TPTE2: variants seen among roughly 807,000 people sequenced by gnomAD.
TPTE2 encodes the protein phosphatidylinositol 3,4,5-trisphosphate 3-phosphatase TPTE2.
A neutral mutation model predicts 78.6 loss-of-function variants in TPTE2; 53 were observed. The ratio of observed to expected loss-of-function variants is 0.67; its 90% CI spans 0.54 to 0.85. The LOEUF (loss-of-function observed/expected upper bound fraction) is 0.85. Ranked by LOEUF, TPTE2 falls within the 40% of genes least tolerant of loss-of-function variation. The pLI is 0.00. For missense variants in TPTE2, 461 were observed against 623.0 expected (o/e 0.74, Z 2.77); for synonymous variants, 175 against 206.2 (o/e 0.85, Z 1.30).
intron 1 of TPTE2, among the ~76,000 whole-genome samples, chr13:19,498,508 A>G (rs1437742981): frequency 1.3e-5 from 2 of 152,106 alleles, no homozygotes; most frequent in Non-Finnish European, 2.9e-5. Flanking sequence ...ATTCTTAAAG[A>G]AAAGAATTTT....
chr13:19,529,721 T>G (rs1031368471), intron 1 of TPTE2, among the ~76,000 whole-genome samples: 3 of 152,192 alleles, frequency 2.0e-5, no homozygotes, highest in Non-Finnish European at 4.4e-5. Flanking sequence ...TCACCAATCC[T>G]TGGATTACTA....
At chr13:19,472,955 A>G (rs980914453) in intron 6 of TPTE2, among the ~76,000 whole-genome samples, 1 of 152,238 alleles carries the variant, frequency 6.6e-6, no homozygotes, top group African/African-American at 2.4e-5. Flanking sequence ...TTGCAGACTT[A>G]TAGTGGTACT....
chr13:19,430,546 A>T (rs1207375835), exon 17 of TPTE2: 1 of 1,606,476 alleles, frequency 6.2e-7, no homozygotes, highest in Non-Finnish European at 8.5e-7. Context: ...CACATACATC[A>T]CCTGTTCCAA....
intron 11 of TPTE2, 43 bp from the exon 15 acceptor site, chr13:19,450,387 C>T (rs1593362529): frequency 2.6e-6 from 4 of 1,524,718 alleles, no homozygotes; most frequent in Non-Finnish European, 3.6e-6. Flanking sequence ...TAGGGAATAA[C>T]ATGATAAATG....
chr13:19,453,538 C>CATATATATATA (rs1878334093), intron 10 of TPTE2, among the ~76,000 whole-genome samples: 1 of 140,174 alleles, frequency 7.1e-6, no homozygotes, highest in South Asian at 2.2e-4. Flanking sequence ...ATTTTATAAT[C>CATATATATATA]ATATATATAT....
chr13:19,457,400 G>T (rs2497240), intron 10 of TPTE2, among the ~76,000 whole-genome samples: 142,300 of 152,246 alleles, frequency 0.93, 66,778 homozygotes, highest in East Asian at 1. Context: ...GGTACATGTG[G>T]AGGATGTGCA....
the TPTE2 span, chr13:19,560,855 C>T: frequency 1.3e-6 from 2 of 1,560,576 alleles, no homozygotes; most frequent in African/African-American, 1.4e-5. Context: ...CTTGGTGAAG[C>T]GGCAGGCCTG....
At chr13:19,559,246 G>A in the TPTE2 span, among the ~76,000 whole-genome samples, 3 of 152,088 alleles carry the variant, frequency 2.0e-5, no homozygotes, top group South Asian at 2.1e-4. Context: ...TTTTGAGCTC[G>A]ATAGTATATA....
At chr13:19,516,217 G>C (rs9508295) in intron 1 of TPTE2, among the ~76,000 whole-genome samples, 93,964 of 152,084 alleles carry the variant, frequency 0.62, 33,321 homozygotes, top group East Asian at 0.89. Context: ...TGAAAAGTAC[G>C]TCTCCGACCA....
At chr13:19,423,048 A>C in exon 20 of TPTE2, 1 of 1,611,910 alleles carries the variant, frequency 6.2e-7, no homozygotes, top group Non-Finnish European at 8.5e-7. Flanking sequence ...ATCCAGCTAC[A>C]ACATCATTGG....
upstream of TPTE2, among the ~76,000 whole-genome samples, chr13:19,540,750 T>G (rs1260203237): frequency 6.6e-6 from 1 of 152,206 alleles, no homozygotes; most frequent in African/African-American, 2.4e-5. Context: ...TAAATTATAT[T>G]TTTACATGTT....
intron 1 of TPTE2, among the ~76,000 whole-genome samples, chr13:19,516,912 T>G (rs546377677): frequency 6.6e-6 from 1 of 152,378 alleles, no homozygotes; most frequent in East Asian, 1.9e-4. Context: ...CTATTTTTAT[T>G]TGCTGGGTCA....
chr13:19,521,545 T>A (rs962980461), intron 1 of TPTE2, among the ~76,000 whole-genome samples: 1 of 152,030 alleles, frequency 6.6e-6, no homozygotes, highest in Non-Finnish European at 1.5e-5. Flanking sequence ...TCCTTTTAAA[T>A]GGAGAGAAAT....
Position 19,514,592 on chromosome 13 carries a change from A to AGTGTGTGTGTGTGTGTGTGTGTGTGT in TPTE2, c.-43-11341_-43-11316dup, listed in dbSNP as rs151110694. 5.8e-3 allele frequency among the ~76,000 whole-genome samples: 736 copies of AGTGTGTGTGTGTGTGTGTGTGTGTGT among 126,788 alleles called. 24 individuals carry two copies. Among genetic ancestry groups the AGTGTGTGTGTGTGTGTGTGTGTGTGT allele is most frequent in the East Asian group, 0.023 (86 of 3,750 alleles). The allele number at this position is 126,788 out of a possible 152,430, so 83.2% of individuals were successfully genotyped here. On this transcript the variant is annotated intron_variant, in intron 1 of 17. Transcript: ENST00000390680. ...AGGATACAGCACCAGTACTTCTGAG[A>AGTGTGTGTGTGTGTGTGTGTGTGTGT]GTGTGTGTGTGTGTGTGTGTGTGTG... is the stretch of plus-strand genomic sequence containing the variant.
At chr13:19,441,287 G>A (rs1050939546) in intron 13 of TPTE2, among the ~76,000 whole-genome samples, 3 of 151,822 alleles carry the variant, frequency 2.0e-5, no homozygotes, top group Non-Finnish European at 2.9e-5. Flanking sequence ...GCAGAAAAGG[G>A]CACAGGTTGA....
At chr13:19,445,858 T>C (rs961753598) in intron 13 of TPTE2, among the ~76,000 whole-genome samples, 39 of 152,186 alleles carry the variant, frequency 2.6e-4, no homozygotes, top group African/African-American at 9.4e-4. Flanking sequence ...TGAGAATTGC[T>C]TGAACGCAGG....
At chr13:19,435,755 G>GACACACACACACACAC (rs60130804) in intron 15 of TPTE2, among the ~76,000 whole-genome samples, 14 of 137,644 alleles carry the variant, frequency 1.0e-4, no homozygotes, top group Admixed American at 1.5e-4. Flanking sequence ...ACACAGAAAA[G>GACACACACACACACAC]ACACACACAC....
intron 13 of TPTE2, among the ~76,000 whole-genome samples, chr13:19,440,819 G>A (rs961260075): frequency 3.3e-5 from 5 of 152,002 alleles, no homozygotes; most frequent in Non-Finnish European, 7.4e-5. Flanking sequence ...GGGCACGGTG[G>A]CTCATGCCTG....
chr13:19,512,704 G>A (rs751230276), intron 1 of TPTE2, among the ~76,000 whole-genome samples: 5 of 151,710 alleles, frequency 3.3e-5, no homozygotes, highest in South Asian at 2.1e-4. Flanking sequence ...TCAGCCTCCC[G>A]AGTAGCTGGG....
Sources: allele counts gnomAD v4.1 joint callset (sites outside exome capture counted in the v4.1 genomes callset), GRCh38; gene constraint gnomAD v4.1.1; transcripts MANE v1.5; gene names NCBI Gene and HGNC (gene_info 2026-07-23, HGNC 2026-07-21).